LINGO2: variants seen among roughly 807,000 people sequenced by gnomAD.
The protein encoded by LINGO2 is leucine rich repeat and Ig domain containing 2.
A neutral mutation model predicts 30.6 loss-of-function variants in LINGO2; 14 were observed. The observed-to-expected ratio is 0.46, with a 90% CI of 0.30 to 0.72. The LOEUF (loss-of-function observed/expected upper bound fraction) is 0.72. Among genes scored for constraint, LINGO2 ranks in the 30% least tolerant of loss-of-function variants. The pLI, the probability that LINGO2 is intolerant of heterozygous loss-of-function variation, is 0.07. For synonymous variants in LINGO2, 317 were observed against 288.5 expected (o/e 1.10, Z -1.00); for missense variants, 729 against 751.7 (o/e 0.97, Z 0.35).
chr9:28,518,117 G>T (rs1168801790), intron 1 of LINGO2, among the ~76,000 whole-genome samples: 1 of 152,094 alleles, frequency 6.6e-6, no homozygotes, highest in African/African-American at 2.4e-5. Context: ...CAGCAGGAGA[G>T]GCTCAGAGAG....
chr9:29,050,973 G>A, the LINGO2 span, among the ~76,000 whole-genome samples: 2 of 152,232 alleles, frequency 1.3e-5, no homozygotes, highest in East Asian at 3.9e-4. Context: ...AAAGACAAGT[G>A]TTGGGCACTA....
Position 28,517,160 on chromosome 9 carries a change from C to G in LINGO2, c.-364-41135G>C, listed in dbSNP as rs143060381. On this transcript the variant is annotated intron_variant, in intron 1 of 5. Coordinates refer to ENST00000379992, the Ensembl canonical transcript of LINGO2. Reference sequence around the variant, plus strand: ...ATTCATTCGTCTTCACTTAACCAGACAGAAAGGTCTTTCTTACAGACAAAT... The same window carrying G: ...ATTCATTCGTCTTCACTTAACCAGAGAGAAAGGTCTTTCTTACAGACAAAT... Among the ~76,000 whole-genome samples the G allele has an allele frequency of 2.6e-3, 392 of 152,282 alleles. 3 individuals are homozygous for G. The highest frequency in any genetic ancestry group is 9.0e-3 in the African/African-American group (375 of 41,556).
At chr9:28,494,935 C>T (rs1386179721) in intron 1 of LINGO2, among the ~76,000 whole-genome samples, 1 of 152,138 alleles carries the variant, frequency 6.6e-6, no homozygotes, top group Non-Finnish European at 1.5e-5. Flanking sequence ...TGGTATCACA[C>T]TGTGGTTTTG....
At chr9:28,740,076 C>T in the LINGO2 span, among the ~76,000 whole-genome samples, 4 of 151,476 alleles carry the variant, frequency 2.6e-5, no homozygotes, top group African/African-American at 9.7e-5. Flanking sequence ...TGATTTCTCA[C>T]TTAATTCCAC....
intron 1 of LINGO2, among the ~76,000 whole-genome samples, chr9:28,570,869 T>G (rs947286431): frequency 6.6e-6 from 1 of 151,984 alleles, no homozygotes; most frequent in African/African-American, 2.4e-5. Flanking sequence ...TAAGTAGACA[T>G]GCATTGTATT....
At chr9:28,960,937 A>C in the LINGO2 span, among the ~76,000 whole-genome samples, 1 of 152,164 alleles carries the variant, frequency 6.6e-6, no homozygotes, top group South Asian at 2.1e-4. Flanking sequence ...TATTCACTAC[A>C]TATGAATCAC....
At chr9:28,087,713 C>A (rs1157340489) in intron 4 of LINGO2, among the ~76,000 whole-genome samples, 5 of 151,978 alleles carry the variant, frequency 3.3e-5, no homozygotes, top group African/African-American at 1.2e-4. Flanking sequence ...CTGCTTTGAG[C>A]CAAGTACACC....
intron 3 of LINGO2, among the ~76,000 whole-genome samples, chr9:28,338,014 C>G (rs1043362794): frequency 6.6e-6 from 1 of 152,098 alleles, no homozygotes. Context: ...AATGGTATAT[C>G]CACTGACAGC....
At chr9:28,421,487 G>GA (rs55821781) in intron 2 of LINGO2, among the ~76,000 whole-genome samples, 144 of 142,812 alleles carry the variant, frequency 1.0e-3, no homozygotes, top group Middle Eastern at 3.5e-3. Flanking sequence ...AAAACGTCTT[G>GA]AAAAAAAAAA....
chr9:29,100,321 G>C, the LINGO2 span, among the ~76,000 whole-genome samples: 2 of 151,742 alleles, frequency 1.3e-5, no homozygotes, highest in Admixed American at 1.3e-4. Context: ...AAAAGGTCAG[G>C]AGTGGTGGCT....
chr9:28,322,359 C>T (rs1825075066), intron 3 of LINGO2, among the ~76,000 whole-genome samples: 1 of 152,068 alleles, frequency 6.6e-6, no homozygotes, highest in South Asian at 2.1e-4. Context: ...TTACCTGTCA[C>T]AACTAAAATA....
At chr9:28,181,194 C>G (rs1334381563) in intron 4 of LINGO2, among the ~76,000 whole-genome samples, 1 of 152,138 alleles carries the variant, frequency 6.6e-6, no homozygotes, top group Non-Finnish European at 1.5e-5. Context: ...CTCTTACCAC[C>G]AACCAGCATA....
intron 1 of LINGO2, among the ~76,000 whole-genome samples, chr9:28,637,314 T>C (rs76746376): frequency 0.05 from 7,589 of 152,260 alleles, 369 homozygotes; most frequent in Admixed American, 0.17. Context: ...GGCTCTTTTT[T>C]GGTTGCATAT....
At chr9:28,878,584 C>T in the LINGO2 span, among the ~76,000 whole-genome samples, 1 of 152,150 alleles carries the variant, frequency 6.6e-6, no homozygotes, top group Admixed American at 6.6e-5. Flanking sequence ...ATGCAAAAAT[C>T]CTCAATAAAA....
the LINGO2 span, among the ~76,000 whole-genome samples, chr9:28,767,484 A>G: frequency 1.3e-5 from 2 of 152,076 alleles, no homozygotes; most frequent in African/African-American, 2.4e-5. Flanking sequence ...AGTCTTGCCC[A>G]TTAAAAAAGT....
At chr9:28,107,887 C>A (rs534565482) in intron 4 of LINGO2, among the ~76,000 whole-genome samples, 1 of 152,226 alleles carries the variant, frequency 6.6e-6, no homozygotes, top group African/African-American at 2.4e-5. Flanking sequence ...ACTGCAACCT[C>A]CCTTACATGT....
intron 2 of LINGO2, among the ~76,000 whole-genome samples, chr9:28,431,029 T>TGAGAGAGAGAGAGAGAGAGAGAGAGAGA (rs57751993): frequency 7.7e-6 from 1 of 129,358 alleles, no homozygotes; most frequent in African/African-American, 3.1e-5. Flanking sequence ...GCATGAGTGA[T>TGAGAGAGAGAGAGAGAGAGAGAGAGAGA]GAGAGAGAGA....
At chr9:28,233,051 T>TAAA (rs1443712581) in intron 4 of LINGO2, among the ~76,000 whole-genome samples, 2 of 120,224 alleles carry the variant, frequency 1.7e-5, no homozygotes, top group African/African-American at 6.9e-5. Flanking sequence ...TATATATATA[T>TAAA]ATATATATAT....
chr9:28,004,126 T>C (rs1023670371), intron 5 of LINGO2, among the ~76,000 whole-genome samples: 1 of 152,188 alleles, frequency 6.6e-6, no homozygotes, highest in African/African-American at 2.4e-5. Context: ...ACATCTTGAA[T>C]TGGCCCCTTA....
Sources: allele counts gnomAD v4.1 joint callset (sites outside exome capture counted in the v4.1 genomes callset), GRCh38; gene constraint gnomAD v4.1.1; transcripts MANE v1.5; gene names NCBI Gene and HGNC (gene_info 2026-07-23, HGNC 2026-07-21).